Variants in FAM107B observed in about 807,000 individuals in gnomAD.
The protein encoded by FAM107B is family with sequence similarity 107 member B, also known as protein FAM107B.
In FAM107B, 21 loss-of-function variants were observed where a neutral mutation model predicts 31.5. That is an observed-to-expected ratio of 0.67 (90% CI 0.47 to 0.96). The LOEUF is 0.96. FAM107B is among the 40% of genes least tolerant of loss of function. FAM107B has a pLI of 0.00. For missense variants in FAM107B, 452 were observed against 377.1 expected (o/e 1.20, Z -1.64); for synonymous variants, 157 against 141.5 (o/e 1.11, Z -0.78).
At chr10:14,595,941 C>T (rs10906710) in intron 2 of FAM107B, among the ~76,000 whole-genome samples, 2,664 of 152,300 alleles carry the variant, frequency 0.017, 46 homozygotes, top group Non-Finnish European at 0.026. Context: ...CACAGGGACA[C>T]ACTGACAAAA....
At chr10:14,666,970 T>C (rs1346989396) in intron 2 of FAM107B, among the ~76,000 whole-genome samples, 1 of 152,206 alleles carries the variant, frequency 6.6e-6, no homozygotes, top group Non-Finnish European at 1.5e-5. Context: ...TCTGGAGCCA[T>C]CTTCTAACAC....
At chr10:14,573,632 T>C (rs1414813591) in intron 2 of FAM107B, among the ~76,000 whole-genome samples, 2 of 149,830 alleles carry the variant, frequency 1.3e-5, no homozygotes, top group East Asian at 3.9e-4. Flanking sequence ...TAGTCCCGGC[T>C]ACTTGGGAGG....
chr10:14,533,468 G>C (rs1847254867), intron 2 of FAM107B, among the ~76,000 whole-genome samples: 1 of 152,194 alleles, frequency 6.6e-6, no homozygotes, highest in African/African-American at 2.4e-5. Context: ...ACATGAAAGA[G>C]GTGACATTGA....
At chr10:14,633,564 G>C (rs1853421499) in intron 2 of FAM107B, among the ~76,000 whole-genome samples, 1 of 152,038 alleles carries the variant, frequency 6.6e-6, no homozygotes, top group South Asian at 2.1e-4. Context: ...TTAATTTATT[G>C]ATGAATGAAA....
At chr10:14,742,557 A>C (rs970648956) in intron 1 of FAM107B, among the ~76,000 whole-genome samples, 1 of 152,164 alleles carries the variant, frequency 6.6e-6, no homozygotes, top group African/African-American at 2.4e-5. Context: ...GTAGCTACTC[A>C]CTAAATATTC....
intron 2 of FAM107B, among the ~76,000 whole-genome samples, chr10:14,563,261 G>C (rs1174746093): frequency 1.3e-5 from 2 of 152,238 alleles, no homozygotes; most frequent in East Asian, 3.9e-4. Flanking sequence ...TTTTTCTTCT[G>C]ATTTTAAAAG....
intron 1 of FAM107B, among the ~76,000 whole-genome samples, chr10:14,771,969 TC>T (rs1352608771): frequency 6.6e-6 from 1 of 152,190 alleles, no homozygotes; most frequent in Non-Finnish European, 1.5e-5. Flanking sequence ...TGGGTTCCAG[TC>T]CTGTCTCTGC....
chr10:14,716,882 G>C (rs1855792453), intron 1 of FAM107B, among the ~76,000 whole-genome samples: 1 of 152,110 alleles, frequency 6.6e-6, no homozygotes, highest in African/African-American at 2.4e-5. Context: ...CTGAGGTCAG[G>C]AGTTTGAGAC....
chr10:14,701,064 T>C (rs12412629), intron 1 of FAM107B, among the ~76,000 whole-genome samples: 33,775 of 151,934 alleles, frequency 0.22, 4,184 homozygotes, highest in African/African-American at 0.33. Flanking sequence ...AAGCATTGAA[T>C]GCCTCTGATT....
chr10:14,751,739 A>C (rs1426800805), intron 1 of FAM107B, among the ~76,000 whole-genome samples: 3 of 152,118 alleles, frequency 2.0e-5, no homozygotes. Context: ...GACCCTACAC[A>C]GCTGCTTCTA....
intron 2 of FAM107B, among the ~76,000 whole-genome samples, chr10:14,557,563 G>A (rs1849810469): frequency 6.6e-6 from 1 of 152,198 alleles, no homozygotes; most frequent in African/African-American, 2.4e-5. Flanking sequence ...TCATTTAACT[G>A]TTTAAAACTG....
chr10:14,584,127 G>C (rs753416946), intron 2 of FAM107B, among the ~76,000 whole-genome samples: 1 of 152,210 alleles, frequency 6.6e-6, no homozygotes, highest in Non-Finnish European at 1.5e-5. Context: ...AGGCCCTCCT[G>C]ATGCCCAGCC....
chr10:14,703,626 C>T (rs1015164623), intron 1 of FAM107B, among the ~76,000 whole-genome samples: 1 of 152,176 alleles, frequency 6.6e-6, no homozygotes, highest in African/African-American at 2.4e-5. Context: ...TGAGCCACTG[C>T]GCCCAGCCCA....
intron 1 of FAM107B, among the ~76,000 whole-genome samples, chr10:14,702,991 C>T (rs558132947): frequency 6.6e-5 from 10 of 152,176 alleles, no homozygotes; most frequent in Non-Finnish European, 1.2e-4. Context: ...CAGGCTCATT[C>T]AGTTTCCAAA....
intron 2 of FAM107B, among the ~76,000 whole-genome samples, chr10:14,538,260 T>G (rs1432852555): frequency 6.6e-6 from 1 of 152,214 alleles, no homozygotes; most frequent in African/African-American, 2.4e-5. Flanking sequence ...ATGATTTTTA[T>G]AAGAATGTTA....
At chr10:14,616,755 T>C (rs918379914) in intron 2 of FAM107B, among the ~76,000 whole-genome samples, 2 of 152,120 alleles carry the variant, frequency 1.3e-5, no homozygotes, top group African/African-American at 4.8e-5. Context: ...AAACCCTGCC[T>C]CTGCACAAAA....
chr10:14,556,312 T>C, intron 2 of FAM107B: 1 of 977,768 alleles, frequency 1.0e-6, no homozygotes, highest in South Asian at 4.7e-5. Flanking sequence ...ATTGATAAAG[T>C]CATCAATGGT....
chr10:14,624,801 A>G (rs1317028082), intron 2 of FAM107B, among the ~76,000 whole-genome samples: 4 of 152,254 alleles, frequency 2.6e-5, no homozygotes, highest in African/African-American at 9.6e-5. Flanking sequence ...TGTTAAATCA[A>G]TAATACAGAG....
intron 2 of FAM107B, among the ~76,000 whole-genome samples, chr10:14,595,118 G>A (rs1315788323): frequency 2.6e-5 from 4 of 151,662 alleles, no homozygotes; most frequent in Admixed American, 2.6e-4. Context: ...AGGGGGAACT[G>A]ACTGCAAAGT....
Sources: allele counts gnomAD v4.1 joint callset (sites outside exome capture counted in the v4.1 genomes callset), GRCh38; gene constraint gnomAD v4.1.1; transcripts MANE v1.5; gene names NCBI Gene and HGNC (gene_info 2026-07-23, HGNC 2026-07-21).